Variants in SPTLC1 observed in about 807,000 individuals in gnomAD.
SPTLC1 encodes the protein serine palmitoyltransferase long chain base subunit 1.
SPTLC1 carries 55 observed loss-of-function variants against 68.9 expected under a neutral mutation model. The ratio of observed to expected loss-of-function variants is 0.80; its 90% CI spans 0.64 to 1.00. The LOEUF (loss-of-function observed/expected upper bound fraction) is 1.00, where lower values mean the gene tolerates loss of function less well. Ranked by LOEUF, SPTLC1 falls within the 50% of genes least tolerant of loss-of-function variation. The pLI, the probability that SPTLC1 is intolerant of heterozygous loss-of-function variation, is 0.00. For synonymous variants in SPTLC1, 197 were observed against 201.6 expected, an observed-to-expected ratio of 0.98 and a Z score of 0.19; for missense variants, 449 against 573.1, an observed-to-expected ratio of 0.78 and a Z score of 2.21.
chr9:92,050,113 A>G (rs1362334660), intron 8 of SPTLC1, 46 bp from the exon 9 acceptor site: 1 of 1,206,906 alleles, frequency 8.3e-7, no homozygotes, highest in East Asian at 2.3e-5. Flanking sequence ...AGCACCATAT[A>G]GAACATATTA....
At chr9:92,061,360 C>T (rs1001923387) in intron 6 of SPTLC1, among the ~76,000 whole-genome samples, 10 of 151,972 alleles carry the variant, frequency 6.6e-5, no homozygotes, top group African/African-American at 2.4e-4. Flanking sequence ...TTTCTAATGC[C>T]GAAAGAAAAT....
intron 9 of SPTLC1, 30 bp downstream of exon 9, chr9:92,049,930 G>A (rs917417009): frequency 6.6e-6 from 9 of 1,363,644 alleles, no homozygotes; most frequent in African/African-American, 5.7e-5. Context: ...CCTATAAGAG[G>A]GGAAACGTTC....
At chr9:92,068,592 T>A (rs1189320203) in intron 5 of SPTLC1, among the ~76,000 whole-genome samples, 1 of 152,224 alleles carries the variant, frequency 6.6e-6, no homozygotes, top group Non-Finnish European at 1.5e-5. Flanking sequence ...GCACCTCCCA[T>A]CACTTTCTGG....
intron 6 of SPTLC1, among the ~76,000 whole-genome samples, chr9:92,066,553 TC>T (rs1166033242): frequency 6.6e-6 from 1 of 152,066 alleles, no homozygotes; most frequent in African/African-American, 2.4e-5. Context: ...CTTAAACACC[TC>T]AGGGAAAATG....
chr9:92,059,429 A>C, intron 6 of SPTLC1, 121 bp from the exon 7 acceptor site: 1 of 1,014,426 alleles, frequency 9.9e-7, no homozygotes, highest in Admixed American at 1.8e-5. Flanking sequence ...TAGCAAATAA[A>C]TAAAACATGT....
At chr9:92,044,946 G>A (rs1833458978) in intron 12 of SPTLC1, among the ~76,000 whole-genome samples, 1 of 152,190 alleles carries the variant, frequency 6.6e-6, no homozygotes, top group Non-Finnish European at 1.5e-5. Flanking sequence ...TAACACCATA[G>A]AGTGAAAGGC....
intron 7 of SPTLC1, among the ~76,000 whole-genome samples, chr9:92,056,079 CAA>C (rs1470307142): frequency 6.6e-6 from 1 of 152,136 alleles, no homozygotes; most frequent in Non-Finnish European, 1.5e-5. Context: ...TTTTCCATAA[CAA>C]AAAGTTAAAA....
At chr9:92,098,450 C>T (rs1180070850) in intron 3 of SPTLC1, among the ~76,000 whole-genome samples, 1 of 152,172 alleles carries the variant, frequency 6.6e-6, no homozygotes, top group East Asian at 1.9e-4. Context: ...CGCCCCTCAG[C>T]CTTATTGATC....
At chr9:92,062,020 C>G (rs1438641706) in intron 6 of SPTLC1, among the ~76,000 whole-genome samples, 1 of 151,996 alleles carries the variant, frequency 6.6e-6, no homozygotes, top group African/African-American at 2.4e-5. Flanking sequence ...TGTAAATGTA[C>G]AAATACATGA....
chr9:92,105,103 C>T, intron 3 of SPTLC1: 1 of 1,532,954 alleles, frequency 6.5e-7, no homozygotes, highest in Non-Finnish European at 8.7e-7. Flanking sequence ...ACATGCAGCC[C>T]AAGGATCCTG....
rs147233384 is a variant in SPTLC1 at position 92,090,967 on chromosome 9, G to A, written c.261-10004C>T. On this transcript the variant is annotated intron_variant, in intron 3 of 14. Transcript: ENST00000262554. Reference sequence around the variant, plus strand: ...GGGTCCCTAATCATCTGTGGCGCTAGCTACCTTGCTCCCCACTTGTGAGGG... The same window carrying A: ...GGGTCCCTAATCATCTGTGGCGCTAACTACCTTGCTCCCCACTTGTGAGGG... Among the ~76,000 whole-genome samples the A allele has an allele frequency of 3.3e-5, 5 of 152,264 alleles. No homozygotes were observed. The East Asian group carries it at 9.7e-4, about 29-fold the overall frequency.
At chr9:92,053,641 C>G (rs987225244) in intron 8 of SPTLC1, among the ~76,000 whole-genome samples, 1 of 152,078 alleles carries the variant, frequency 6.6e-6, no homozygotes, top group African/African-American at 2.4e-5. Context: ...TTAAAAACAT[C>G]AAGTGAATGA....
chr9:92,072,993 T>C, intron 5 of SPTLC1, among the ~76,000 whole-genome samples: 1 of 144,612 alleles, frequency 6.9e-6, no homozygotes, highest in African/African-American at 2.6e-5. Context: ...TAATTCCCCC[T>C]CAGAACCGAG....
In SPTLC1 at chr9:92,032,357, C is replaced by G; in HGVS notation, c.*108G>C. 6.3e-7 allele frequency: 1 copy of G among 1,582,728 alleles called. No individual in the cohort carries two copies. Among genetic ancestry groups the G allele is most frequent in the Non-Finnish European group, 8.6e-7 (1 of 1,166,612 alleles). On this transcript the variant is annotated 3_prime_UTR_variant, in exon 15 of 15. Coordinates refer to ENST00000262554, the MANE Select transcript of SPTLC1 (RefSeq NM_006415.4). The stretch of plus-strand genomic sequence containing the variant: ...TGACACCATTTGGTAACAATCCTAT[C>G]AAAGATCCACATGTTCTTGCTCTCT...
intron 3 of SPTLC1, among the ~76,000 whole-genome samples, chr9:92,102,472 A>C (rs28727560): frequency 0.29 from 44,691 of 152,112 alleles, 8,580 homozygotes; most frequent in African/African-American, 0.54. Flanking sequence ...ACAATGAGTT[A>C]TTAATAAACA....
At chr9:92,106,468 G>A (rs147810049) in intron 3 of SPTLC1, among the ~76,000 whole-genome samples, 4,115 of 124,790 alleles carry the variant, frequency 0.033, 151 homozygotes, top group Middle Eastern at 0.14. Context: ...GCAAGACTCC[G>A]TCTCAAAAAA....
intron 3 of SPTLC1, chr9:92,104,373 C>A: frequency 7.1e-7 from 1 of 1,399,648 alleles, no homozygotes; most frequent in Non-Finnish European, 9.3e-7. Flanking sequence ...TCCTCTTCAA[C>A]CGTCAGCGAC....
At chr9:92,045,541 A>AC (rs901549200) in intron 12 of SPTLC1, among the ~76,000 whole-genome samples, 2 of 148,450 alleles carry the variant, frequency 1.3e-5, no homozygotes, top group South Asian at 4.2e-4. Context: ...AAAAAAAAAA[A>AC]AAAAAAAAAA....
In SPTLC1 at chr9:92,080,944, C is replaced by G; in HGVS notation, c.280G>C (p.Val94Leu). ...IVSGPPSHKTVVNGKECINFA... is the reference protein window; with the variant it reads ...IVSGPPSHKTLVNGKECINFA... ...TTTATACATTCTTTTCCATTCACCA[C>G]AGTTTTGTGGCTTGGAGGGCTAGGG... The change falls in exon 4 of 15, where the codon GTG (valine) becomes CTG (leucine). Residue 94 changes from valine to leucine, a missense_variant. Transcript: ENST00000262554. 2 of 1,614,112 alleles carry G rather than the reference C, an allele frequency of 1.2e-6. No individual in the cohort carries two copies. The highest frequency in any genetic ancestry group is 1.7e-6 in the Non-Finnish European group (2 of 1,179,974).
Sources: allele counts gnomAD v4.1 joint callset (sites outside exome capture counted in the v4.1 genomes callset), GRCh38; gene constraint gnomAD v4.1.1; transcripts MANE v1.5; gene names NCBI Gene and HGNC (gene_info 2026-07-23, HGNC 2026-07-21).